Variants in CBY2 observed in about 807,000 individuals in gnomAD.
CBY2 encodes chibby family member 2.
Under a neutral mutation model 25.3 loss-of-function variants are expected in CBY2, and 23 were observed. That is an observed-to-expected ratio of 0.91 (90% confidence interval 0.65 to 1.29). The LOEUF is 1.29. CBY2 is among the 50% of genes most tolerant of loss of function. CBY2 has a pLI of 0.00. For synonymous variants in CBY2, 279 were observed against 260.2 expected, an observed-to-expected ratio of 1.07 and a Z score of -0.70; for missense variants, 642 against 590.7, an observed-to-expected ratio of 1.09 and a Z score of -0.90.
chr13:45,714,312 G>A lies in CBY2; in HGVS notation c.1287G>A (p.Glu429=). ...CCGCGCGCATGGAAATGCTCATCGA[G>A]GAGCTCTACGCCTTCATGCCGGCCA... ...EVTARMEMLI[E]ELYAFMPARS... Residue 429 remains glutamate, a synonymous_variant, in exon 3 of 3, where the codon GAG becomes GAA. Coordinates refer to ENST00000310521, the MANE Select transcript of CBY2 (RefSeq NM_152719.3). The A allele has an allele frequency of 2.5e-6, 4 of 1,613,068 alleles. No individual in the cohort carries two copies. The South Asian group carries it at 4.4e-5, about 18-fold the overall frequency.
rs377272982 is a variant in CBY2 at position 45,714,066 on chromosome 13, G to A, written c.1041G>A (p.Pro347=). Residue 347 remains proline, a synonymous_variant, in exon 3 of 3, where the codon CCG becomes CCA. Coordinates refer to ENST00000310521, the MANE Select transcript of CBY2 (RefSeq NM_152719.3). Reference sequence around the variant, plus strand: ...GGGAGGAGGAGGCCAAGGTGGGCCCGGGCCTGCCCGACGGCTGCCAGCCCC... The same window carrying A: ...GGGAGGAGGAGGCCAAGGTGGGCCCAGGCCTGCCCGACGGCTGCCAGCCCC... ...PSGEEEAKVG[P]GLPDGCQPLQ... 5.9e-6 allele frequency: 9 copies of A among 1,518,652 alleles called. No individual in the cohort carries two copies. In the African/African-American group the frequency reaches 1.1e-4, roughly 19 times the overall value. 94.1% of individuals were successfully genotyped at this position (1,518,652 alleles called of 1,614,324 possible).
rs1338011426 is a variant in CBY2 at position 45,703,603 on chromosome 13, A to T, written c.156+748A>T. 5 of 1,547,072 alleles carry T rather than the reference A, an allele frequency of 3.2e-6. No individual in the cohort carries two copies. The Admixed American group carries it at 7.8e-5, about 24-fold the overall frequency. On this transcript the variant is annotated intron_variant, in intron 2 of 2. Coordinates refer to ENST00000310521, the MANE Select transcript of CBY2 (RefSeq NM_152719.3). The stretch of plus-strand genomic sequence containing the variant: ...AATCCAATGCAGAGGTAACTATCTG[A>T]GAGCTCTGTCCAGGGATGTGTAGGA...
chr13:45,706,391 C>G (rs561797144), intron 2 of CBY2, among the ~76,000 whole-genome samples: 1 of 152,298 alleles, frequency 6.6e-6, no homozygotes, highest in Admixed American at 6.5e-5. Flanking sequence ...CATGGCCCTT[C>G]CTGGATCCCT....
intron 2 of CBY2, among the ~76,000 whole-genome samples, chr13:45,709,540 A>C (rs946974667): frequency 3.9e-5 from 6 of 152,210 alleles, no homozygotes; most frequent in Admixed American, 1.3e-4. Flanking sequence ...TTGAGGGATA[A>C]TTGTTAAATG....
intron 2 of CBY2, among the ~76,000 whole-genome samples, chr13:45,711,930 A>G (rs963461068): frequency 1.3e-5 from 2 of 151,980 alleles, no homozygotes; most frequent in Non-Finnish European, 2.9e-5. Context: ...TATTAGTTAG[A>G]CTCTGCTTTG....
At chr13:45,709,688 GTGAAACAAGTGTGGCCT>G (rs1180692648) in intron 2 of CBY2, among the ~76,000 whole-genome samples, 4 of 152,222 alleles carry the variant, frequency 2.6e-5, no homozygotes, top group Non-Finnish European at 4.4e-5. Flanking sequence ...TTGAGGCCTG[GTGAAACAAGTGTGGCCT>G]TGATTTGATA....
At position 45,704,437 on chromosome 13, in the gene CBY2, G is replaced by A. The variant is rs886599024; in HGVS notation, c.156+1582G>A. On this transcript the variant is annotated intron_variant, in intron 2 of 2. Coordinates refer to ENST00000310521, the MANE Select transcript of CBY2 (RefSeq NM_152719.3). This position sits in a 1 kb window ranked among gnomAD's most constrained non-coding sequence, Gnocchi z 4.1. ...AGCTTCGTGCGTACACCTGCCAAGAGGGCACAAGCCATGCACCAGGTTTTG... is the reference window on the plus strand; with the variant it reads ...AGCTTCGTGCGTACACCTGCCAAGAAGGCACAAGCCATGCACCAGGTTTTG... Among the ~76,000 whole-genome samples, 1 of 152,166 alleles carries A rather than the reference G, an allele frequency of 6.6e-6. No individual in the cohort carries two copies. The highest frequency in any genetic ancestry group is 1.5e-5 in the Non-Finnish European group (1 of 68,034).
intron 2 of CBY2, among the ~76,000 whole-genome samples, chr13:45,711,289 A>G (rs1950268924): frequency 6.6e-6 from 1 of 152,146 alleles, no homozygotes; most frequent in African/African-American, 2.4e-5. Context: ...TGCATTCATT[A>G]TCTCATTTAA....
At chr13:45,702,550 C>A in intron 1 of CBY2, 85 bp downstream of exon 1, 1 of 1,171,198 alleles carries the variant, frequency 8.5e-7, no homozygotes, top group Non-Finnish European at 1.3e-6. Context: ...CTTTCAAAAG[C>A]CTTTTACATC....
chr13:45,709,980 G>C (rs374538333), intron 2 of CBY2, among the ~76,000 whole-genome samples: 1 of 152,134 alleles, frequency 6.6e-6, no homozygotes, highest in African/African-American at 2.4e-5. Flanking sequence ...TTCTCCATCT[G>C]TAAAATAAGA....
intron 2 of CBY2, among the ~76,000 whole-genome samples, chr13:45,705,243 T>A (rs1950233224): frequency 6.6e-6 from 1 of 152,240 alleles, no homozygotes; most frequent in African/African-American, 2.4e-5. Context: ...CCAAGCTAGC[T>A]GATCTCCTGG....
At position 45,714,186 on chromosome 13, in the gene CBY2, G is replaced by A; in HGVS notation, c.1161G>A (p.Arg387=). ...AGAACAGGACCCTGCAGGTGCTACG[G>A]GCAGAGCACAGGGGCTTCCAGGAGG... ...QEENRTLQVL[R]AEHRGFQEEN... Residue 387 remains arginine (R), a synonymous_variant, in exon 3 of 3, where the codon CGG becomes CGA. Coordinates refer to ENST00000310521, the MANE Select transcript of CBY2 (RefSeq NM_152719.3). The A allele has an allele frequency of 3.7e-6, 6 of 1,611,848 alleles. No homozygotes were observed. The South Asian group carries it at 6.6e-5, about 18-fold the overall frequency.
In CBY2 at chr13:45,704,183, A is replaced by G. The variant is rs79970108; in HGVS notation, c.156+1328A>G. On this transcript the variant is annotated intron_variant, in intron 2 of 2. Transcript: ENST00000310521. This position sits in a 1 kb window ranked among gnomAD's most constrained non-coding sequence, Gnocchi z 4.1. ...GTGGTCATGTGATAGAGAAATTGGAATGATGTTTCCATCAACACCCACCGC... is the reference window on the plus strand; with the variant it reads ...GTGGTCATGTGATAGAGAAATTGGAGTGATGTTTCCATCAACACCCACCGC... 9.5e-4 allele frequency among the ~76,000 whole-genome samples: 145 copies of G among 152,202 alleles called. 1 individual carries two copies. Among genetic ancestry groups the G allele is most frequent in the Admixed American group, 3.4e-3 (52 of 15,288 alleles).
rs149804189 is a variant in CBY2, at chr13:45,713,650, C to G, written c.625C>G (p.Arg209Gly). The G allele has an allele frequency of 5.2e-5, 84 of 1,613,434 alleles. No homozygotes were observed. The African/African-American group carries it at 1.0e-3, about 20-fold the overall frequency. ...GGAGGAGCACAAGGCCTCGCTGGGC[C>G]GAGAGGAGAGCCGGGCCCCCTCGCC... ...FWEEHKASLG[R>G]EESRAPSPLL... The change falls in exon 3 of 3, where the codon CGA (arginine) becomes GGA (glycine). Residue 209 changes from arginine to glycine, a missense_variant. Arg to Gly is a moderately radical substitution (Grantham distance 125). Coordinates refer to ENST00000310521, the MANE Select transcript of CBY2 (RefSeq NM_152719.3). The surrounding 1 kb of genome is among the most constrained non-coding windows in gnomAD (Gnocchi z 5.0).
chr13:45,706,337 CCA>C (rs1205506181), intron 2 of CBY2, among the ~76,000 whole-genome samples: 19 of 152,172 alleles, frequency 1.2e-4, no homozygotes, highest in African/African-American at 4.6e-4. Context: ...GAATTCCAAT[CCA>C]CAGATGGGAC....
At chr13:45,703,443 T>A in intron 2 of CBY2, 1 of 1,536,538 alleles carries the variant, frequency 6.5e-7, no homozygotes, top group African/African-American at 1.4e-5. Context: ...GTTTCCTTAG[T>A]GGAGTCCTCT....
Position 45,714,106 on chromosome 13 carries a change from G to C in CBY2, c.1081G>C (p.Glu361Gln). 1 of 1,560,216 alleles carries C rather than the reference G, an allele frequency of 6.4e-7. No homozygotes were observed. The highest frequency in any genetic ancestry group is 8.7e-7 in the Non-Finnish European group (1 of 1,151,292). The change falls in exon 3 of 3, where the codon GAG becomes CAG. Residue 361 changes from glutamate to glutamine, a missense_variant. Coordinates refer to ENST00000310521, the MANE Select transcript of CBY2 (RefSeq NM_152719.3). The stretch of plus-strand genomic sequence containing the variant: ...CTGCCAGCCCCTGCAGCTGCTGAGA[G>C]AGATGAGGCAGGCGCTGCAGGCCCT... ...DGCQPLQLLR[E>Q]MRQALQALLK...
At position 45,714,075 on chromosome 13, in the gene CBY2, C is replaced by G. The variant is rs558946400; in HGVS notation, c.1050C>G (p.Pro350=). The part of the protein sequence containing the change: ...EEEAKVGPGL[P]DGCQPLQLLR... ...AGGCCAAGGTGGGCCCGGGCCTGCC[C>G]GACGGCTGCCAGCCCCTGCAGCTGC... Residue 350 remains proline, a synonymous_variant, in exon 3 of 3, where the codon CCC becomes CCG. Transcript: ENST00000310521. 221 of 1,525,474 alleles carry G rather than the reference C, an allele frequency of 1.4e-4. No homozygotes were observed. Among genetic ancestry groups the G allele is most frequent in the Non-Finnish European group, 1.8e-4 (203 of 1,135,280 alleles). 94.5% of individuals were successfully genotyped at this position (1,525,474 alleles called of 1,614,324 possible). A position where few individuals can be genotyped will look rare whatever the true frequency, so the allele number is the denominator to read the frequency against.
At chr13:45,710,989 TTTTTA>T (rs1201387597) in intron 2 of CBY2, among the ~76,000 whole-genome samples, 13 of 152,186 alleles carry the variant, frequency 8.5e-5, no homozygotes, top group Non-Finnish European at 1.9e-4. Flanking sequence ...CCTGACTTGT[TTTTTA>T]TTTTCTCTAT....
Sources: allele counts gnomAD v4.1 joint callset (sites outside exome capture counted in the v4.1 genomes callset), GRCh38; gene constraint gnomAD v4.1.1; non-coding constraint Gnocchi (gnomAD v3.1); transcripts MANE v1.5; gene names NCBI Gene and HGNC (gene_info 2026-07-23, HGNC 2026-07-21).